The following IL1RAPL2 variants were observed in gnomAD, a reference collection of about 807,000 sequenced individuals.
IL1RAPL2 encodes the protein interleukin 1 receptor accessory protein like 2.
IL1RAPL2 carries 3 observed loss-of-function variants against 44.1 expected under a neutral mutation model. The observed-to-expected ratio is 0.07, with a 90% confidence interval of 0.03 to 0.18. The LOEUF (loss-of-function observed/expected upper bound fraction) is 0.18, where lower values mean the gene tolerates loss of function less well. Among genes scored for constraint, IL1RAPL2 ranks in the 10% least tolerant of loss-of-function variants. The probability of loss-of-function intolerance (pLI) is 1.00; values close to 1 mark genes in which losing one functional copy is unlikely to be tolerated. For synonymous variants in IL1RAPL2, 181 were observed against 178.8 expected (o/e 1.01, Z -0.10); for missense variants, 391 against 496.4 (o/e 0.79, Z 2.02).
At chrX:105,033,523 C>G (rs1345335244) in intron 2 of IL1RAPL2, among the ~76,000 whole-genome samples, 1 of 111,629 alleles carries the variant, frequency 9.0e-6, no homozygotes, top group African/African-American at 3.3e-5. Context: ...GTTGAAAATT[C>G]TTTTCTTTAA....
chrX:104,900,490 TA>T (rs371264139), intron 2 of IL1RAPL2, among the ~76,000 whole-genome samples: 18 of 111,004 alleles, frequency 1.6e-4, no homozygotes, highest in African/African-American at 5.6e-4. Flanking sequence ...AATGCTACAT[TA>T]AAAACCAACC....
intron 2 of IL1RAPL2, among the ~76,000 whole-genome samples, chrX:105,076,584 C>T (rs1186593436): frequency 7.2e-5 from 8 of 110,771 alleles, no homozygotes; most frequent in African/African-American, 2.3e-4. Flanking sequence ...CTGAGTTCAA[C>T]TCCTGGATAT....
intron 7 of IL1RAPL2, among the ~76,000 whole-genome samples, chrX:105,724,277 A>C (rs939021050): frequency 1.8e-5 from 2 of 111,637 alleles, no homozygotes; most frequent in Non-Finnish European, 3.8e-5. Context: ...CTTGGACTTC[A>C]GTAAGTATAA....
chrX:104,616,775 C>T (rs986815136), intron 1 of IL1RAPL2, among the ~76,000 whole-genome samples: 12 of 111,321 alleles, frequency 1.1e-4, no homozygotes, highest in African/African-American at 3.9e-4. Flanking sequence ...CTCAAACCAC[C>T]AAGTTGTCCT....
intron 1 of IL1RAPL2, among the ~76,000 whole-genome samples, chrX:104,590,926 A>G (rs1382090258): frequency 8.9e-6 from 1 of 111,880 alleles, no homozygotes; most frequent in Non-Finnish European, 1.9e-5. Flanking sequence ...CTTAACATAC[A>G]GGTAATGGAA....
chrX:105,419,902 T>C (rs758852095), intron 5 of IL1RAPL2, among the ~76,000 whole-genome samples: 4 of 111,848 alleles, frequency 3.6e-5, no homozygotes, highest in Non-Finnish European at 7.5e-5. Context: ...CAAAATGTTA[T>C]CTGCAAAAAA....
chrX:104,596,999 T>C (rs775774428), intron 1 of IL1RAPL2, among the ~76,000 whole-genome samples: 5 of 110,603 alleles, frequency 4.5e-5, no homozygotes, highest in South Asian at 7.8e-4. Context: ...TTGGGTATCA[T>C]GATAGAGTCA....
intron 2 of IL1RAPL2, among the ~76,000 whole-genome samples, chrX:105,168,014 G>A (rs1223464701): frequency 1.8e-5 from 2 of 110,957 alleles, no homozygotes; most frequent in Non-Finnish European, 3.8e-5. Context: ...TTCAAACATC[G>A]GTATATCTGA....
At chrX:104,681,977 G>A (rs1377056522) in intron 2 of IL1RAPL2, among the ~76,000 whole-genome samples, 1 of 112,392 alleles carries the variant, frequency 8.9e-6, no homozygotes, top group Non-Finnish European at 1.9e-5. Context: ...TCATCTGGGA[G>A]GCCAAAACTG....
At chrX:104,842,780 G>A (rs953401112) in intron 2 of IL1RAPL2, among the ~76,000 whole-genome samples, 2 of 112,534 alleles carry the variant, frequency 1.8e-5, no homozygotes, top group African/African-American at 6.5e-5. Context: ...TCCCAGAGGG[G>A]CACTGGCCTG....
At chrX:104,789,797 A>G (rs1410260076) in intron 2 of IL1RAPL2, among the ~76,000 whole-genome samples, 1 of 112,478 alleles carries the variant, frequency 8.9e-6, no homozygotes, top group African/African-American at 3.2e-5. Context: ...ACTGGCTATG[A>G]GCTTATCTTT....
In IL1RAPL2 at chrX:104,822,772, G is replaced by A. The variant is rs188150894; in HGVS notation, c.82+163777G>A. ...TTGGTTCCATGTGAAATTTAAAGTCGTTTTTTTCAAATTTTGTGCAGAAAG... is the reference window on the plus strand; with the variant it reads ...TTGGTTCCATGTGAAATTTAAAGTCATTTTTTTCAAATTTTGTGCAGAAAG... On this transcript the variant is annotated intron_variant, in intron 2 of 10. Transcript: ENST00000372582. Among the ~76,000 whole-genome samples the A allele has an allele frequency of 3.2e-4, 36 of 111,674 alleles. No homozygotes were observed. The Admixed American group carries it at 3.2e-3, about 10-fold the overall frequency.
intron 2 of IL1RAPL2, among the ~76,000 whole-genome samples, chrX:105,024,560 T>C (rs773137725): frequency 7.9e-4 from 88 of 111,423 alleles, no homozygotes; most frequent in African/African-American, 2.8e-3. Flanking sequence ...GTAACAAAGG[T>C]TGTGAAAATT....
chrX:105,724,430 C>T (rs2038333664), intron 7 of IL1RAPL2, among the ~76,000 whole-genome samples: 1 of 110,523 alleles, frequency 9.0e-6, no homozygotes, highest in African/African-American at 3.3e-5. Context: ...CAGCCCATTG[C>T]CAAAGCACTT....
chrX:105,468,891 A>G (rs1463093021), intron 5 of IL1RAPL2, among the ~76,000 whole-genome samples: 1 of 111,943 alleles, frequency 8.9e-6, no homozygotes, highest in Non-Finnish European at 1.9e-5. Flanking sequence ...TTTCTTTTCA[A>G]AAATATCTCA....
intron 2 of IL1RAPL2, among the ~76,000 whole-genome samples, chrX:105,079,129 T>A (rs958550189): frequency 1.8e-5 from 2 of 112,052 alleles, no homozygotes; most frequent in African/African-American, 6.5e-5. Context: ...TCTCTCACGC[T>A]GGGAGCTGTA....
intron 2 of IL1RAPL2, among the ~76,000 whole-genome samples, chrX:105,031,798 G>A (rs1238166802): frequency 2.7e-5 from 3 of 110,384 alleles, no homozygotes; most frequent in Non-Finnish European, 5.7e-5. Flanking sequence ...TCAATTGATT[G>A]GAATAGTTTC....
intron 2 of IL1RAPL2, among the ~76,000 whole-genome samples, chrX:104,888,604 C>A (rs897010734): frequency 9.1e-6 from 1 of 110,447 alleles, no homozygotes; most frequent in Non-Finnish European, 1.9e-5. Flanking sequence ...TCCTAATTAC[C>A]TCTACAAGAC....
At position 104,883,280 on chromosome X, in the gene IL1RAPL2, G is replaced by A. The variant is rs560350455; in HGVS notation, c.82+224285G>A. Reference sequence around the variant, plus strand: ...GGGCACCTGTCGGCCAGTTAAAAGCGACTAGTGCGGCCACCAGACTAAAGA... The same window carrying A: ...GGGCACCTGTCGGCCAGTTAAAAGCAACTAGTGCGGCCACCAGACTAAAGA... On this transcript the variant is annotated intron_variant, in intron 2 of 10. Transcript: ENST00000372582. Among the ~76,000 whole-genome samples, 167 of 111,454 alleles carry A rather than the reference G, an allele frequency of 1.5e-3. 1 individual carries two copies. Among genetic ancestry groups the A allele is most frequent in the African/African-American group, 5.0e-3 (152 of 30,683 alleles).
Sources: gnomAD v4.1 joint callset for allele counts (sites outside exome capture counted in the v4.1 genomes callset) on GRCh38, gnomAD v4.1.1 for gene constraint, MANE v1.5 for transcripts, NCBI Gene and HGNC (gene_info 2026-07-23, HGNC 2026-07-21) for gene names.